Variants in MCC observed in about 807,000 individuals in gnomAD.
MCC encodes MCC regulator of Wnt signaling pathway.
A neutral mutation model predicts 116.2 loss-of-function variants in MCC; 90 were observed. The ratio of observed to expected loss-of-function variants is 0.77; its 90% CI spans 0.65 to 0.92. The LOEUF is 0.92. Among genes scored for constraint, MCC ranks in the 40% least tolerant of loss-of-function variants. The pLI is 0.00. For missense variants in MCC, 1,516 were observed against 1,312.2 expected, an observed-to-expected ratio of 1.16 and a Z score of -2.40; for synonymous variants, 578 against 510.5, an observed-to-expected ratio of 1.13 and a Z score of -1.78.
intron 17 of MCC, among the ~76,000 whole-genome samples, chr5:113,041,635 G>C (rs753794239): frequency 6.6e-6 from 1 of 152,112 alleles, no homozygotes; most frequent in Non-Finnish European, 1.5e-5. Context: ...TGACCCAGCT[G>C]ACAGCACTTT....
intron 1 of MCC, among the ~76,000 whole-genome samples, chr5:113,387,951 T>C (rs1769308973): frequency 6.6e-6 from 1 of 152,220 alleles, no homozygotes; most frequent in African/African-American, 2.4e-5. Flanking sequence ...AAAAGAATAC[T>C]GAACGGAACT....
intron 3 of MCC, among the ~76,000 whole-genome samples, chr5:113,191,202 T>G (rs1188835892): frequency 6.6e-6 from 1 of 152,212 alleles, no homozygotes; most frequent in East Asian, 1.9e-4. Flanking sequence ...CATCCAATGT[T>G]AGAAGTGGGA....
At chr5:113,327,422 T>C (rs1371519327) in intron 3 of MCC, among the ~76,000 whole-genome samples, 1 of 150,850 alleles carries the variant, frequency 6.6e-6, no homozygotes, top group Non-Finnish European at 1.5e-5. Flanking sequence ...GGTGTGAGCC[T>C]GTAGTCCCAG....
chr5:113,254,052 A>G (rs937343416), intron 3 of MCC, among the ~76,000 whole-genome samples: 1 of 152,176 alleles, frequency 6.6e-6, no homozygotes, highest in Non-Finnish European at 1.5e-5. Context: ...AGAATAAAGG[A>G]AAAAAGATTC....
At chr5:113,395,554 T>C (rs1440851015) in intron 1 of MCC, among the ~76,000 whole-genome samples, 1 of 152,186 alleles carries the variant, frequency 6.6e-6, no homozygotes, top group African/African-American at 2.4e-5. Context: ...ACTATTCCCC[T>C]ACCTGCTCCT....
At chr5:113,437,344 TA>T (rs2150414073) in intron 1 of MCC, among the ~76,000 whole-genome samples, 1 of 152,256 alleles carries the variant, frequency 6.6e-6, no homozygotes, top group South Asian at 2.1e-4. Context: ...CACACAGTCA[TA>T]AACACTGGCT....
At chr5:113,043,737 T>A (rs4705755) in intron 16 of MCC, 107 bp from the exon 17 acceptor site, 349,100 of 718,010 alleles carry the variant, frequency 0.49, 88,106 homozygotes, top group East Asian at 0.65. Flanking sequence ...GGCAGCAGTG[T>A]GGGCACCGGG....
At chr5:113,253,182 C>T (rs913717574) in intron 3 of MCC, among the ~76,000 whole-genome samples, 6 of 152,112 alleles carry the variant, frequency 3.9e-5, no homozygotes, top group African/African-American at 1.4e-4. Context: ...GAGCTTGGGA[C>T]ACATGCAGGT....
At chr5:113,293,796 C>A (rs1164433657) in intron 3 of MCC, among the ~76,000 whole-genome samples, 3 of 152,112 alleles carry the variant, frequency 2.0e-5, no homozygotes, top group African/African-American at 7.2e-5. Flanking sequence ...TCTCCCCAGA[C>A]CCCTCCCCAG....
At chr5:113,284,127 T>C (rs1189763411) in intron 3 of MCC, among the ~76,000 whole-genome samples, 2 of 152,234 alleles carry the variant, frequency 1.3e-5, no homozygotes, top group African/African-American at 2.4e-5. Flanking sequence ...TCAGCAATTA[T>C]GTTTTTGAGG....
chr5:113,208,252 AC>A (rs1762990735), intron 3 of MCC, among the ~76,000 whole-genome samples: 1 of 152,160 alleles, frequency 6.6e-6, no homozygotes, highest in Non-Finnish European at 1.5e-5. Context: ...CAGATATGAT[AC>A]TTTGTAAGCT....
intron 3 of MCC, among the ~76,000 whole-genome samples, chr5:113,251,651 C>G (rs1323522796): frequency 1.3e-5 from 2 of 152,188 alleles, no homozygotes; most frequent in Non-Finnish European, 2.9e-5. Context: ...TTTGCCAGAT[C>G]TTCTGACTTC....
In MCC at chr5:113,025,829, A is replaced by C. The variant is rs1750505411; in HGVS notation, c.*1473T>G. The C allele has an allele frequency of 6.6e-6, 1 of 152,182 alleles. No individual in the cohort carries two copies. The allele number at this position is 152,182 out of a possible 1,614,324, so 9.4% of individuals were successfully genotyped here. ...GCTGGAGTATCCTCCAGCGAACAGA[A>C]GGCTGTGGAATTTGTATCATGCTCT... On this transcript the variant is annotated 3_prime_UTR_variant, in exon 19 of 19. Coordinates refer to ENST00000408903, the MANE Select transcript of MCC (RefSeq NM_001085377.2).
intron 3 of MCC, among the ~76,000 whole-genome samples, chr5:113,303,770 A>G (rs1055908941): frequency 6.6e-6 from 1 of 152,128 alleles, no homozygotes; most frequent in African/African-American, 2.4e-5. Context: ...CCCCTGCCTC[A>G]GCCTCCCAAG....
chr5:113,053,968 G>C lies in MCC; in HGVS notation c.2214-9C>G. The C allele has an allele frequency of 6.2e-7, 1 of 1,601,958 alleles. No homozygotes were observed. ...CTGTGGAGCTGGTTGTGCTGAGAAAGAAGAAAAACAAAGACCCACCACCCT... is the reference window on the plus strand; with the variant it reads ...CTGTGGAGCTGGTTGTGCTGAGAAACAAGAAAAACAAAGACCCACCACCCT... On this transcript the variant is annotated splice_polypyrimidine_tract_variant and intron_variant, in intron 14 of 18. Transcript: ENST00000408903.
intron 18 of MCC, among the ~76,000 whole-genome samples, chr5:113,028,268 T>G (rs997240898): frequency 6.6e-6 from 1 of 152,214 alleles, no homozygotes; most frequent in Non-Finnish European, 1.5e-5. Flanking sequence ...CAGAAGCAAA[T>G]GTGAGAACCT....
intron 3 of MCC, among the ~76,000 whole-genome samples, chr5:113,339,441 G>GCGCA (rs1169321886): frequency 6.6e-6 from 1 of 151,580 alleles, no homozygotes; most frequent in Non-Finnish European, 1.5e-5. Flanking sequence ...GTGTGTGTGC[G>GCGCA]TGCATGTGTG....
chr5:113,171,946 T>C (rs566831251), intron 3 of MCC, among the ~76,000 whole-genome samples: 100 of 152,264 alleles, frequency 6.6e-4, no homozygotes, highest in African/African-American at 2.4e-3. Flanking sequence ...AAACCATCAG[T>C]GCCATGTTTT....
intron 1 of MCC, among the ~76,000 whole-genome samples, chr5:113,395,720 C>T (rs1400124346): frequency 6.6e-6 from 1 of 152,150 alleles, no homozygotes; most frequent in Non-Finnish European, 1.5e-5. Context: ...GTCTCAGATA[C>T]TTTTTGGTTT....
Sources: allele counts gnomAD v4.1 joint callset (sites outside exome capture counted in the v4.1 genomes callset), GRCh38; gene constraint gnomAD v4.1.1; transcripts MANE v1.5; gene names NCBI Gene and HGNC (gene_info 2026-07-23, HGNC 2026-07-21).